DPP6: variants seen among roughly 807,000 people sequenced by gnomAD.
The protein encoded by DPP6 is A-type potassium channel modulatory protein DPP6.
A neutral mutation model predicts 122.6 loss-of-function variants in DPP6; 69 were observed. The ratio of observed to expected loss-of-function variants is 0.56; its 90% CI spans 0.46 to 0.69. The LOEUF is 0.69. Among genes scored for constraint, DPP6 ranks in the 30% least tolerant of loss-of-function variants. The pLI, the probability that DPP6 is intolerant of heterozygous loss-of-function variation, is 0.00. For missense variants in DPP6, 928 were observed against 1,116.9 expected (o/e 0.83, Z 2.41); for synonymous variants, 418 against 433.1 (o/e 0.97, Z 0.43).
chr7:154,321,143 G>A (rs1807914966), intron 1 of DPP6, among the ~76,000 whole-genome samples: 2 of 152,044 alleles, frequency 1.3e-5, no homozygotes, highest in African/African-American at 4.8e-5. Flanking sequence ...ATTAGCAGGT[G>A]GTGCATGCCT....
intron 1 of DPP6, among the ~76,000 whole-genome samples, chr7:154,240,035 A>G (rs1801486205): frequency 8.6e-6 from 1 of 116,744 alleles, no homozygotes; most frequent in African/African-American, 3.0e-5. Context: ...AAAAAAAAAA[A>G]AAAGTGATAC....
intron 8 of DPP6, among the ~76,000 whole-genome samples, chr7:154,768,764 C>G (rs1796060684): frequency 6.6e-6 from 1 of 152,146 alleles, no homozygotes; most frequent in African/African-American, 2.4e-5. Flanking sequence ...ATCAGTCTTT[C>G]ATTTCAGTCC....
At chr7:153,849,321 A>G in the DPP6 span, among the ~76,000 whole-genome samples, 1 of 151,620 alleles carries the variant, frequency 6.6e-6, no homozygotes, top group African/African-American at 2.4e-5. Flanking sequence ...ACTGAAGCAG[A>G]CAATTATACC....
At chr7:154,835,944 G>A (rs184269827) in intron 16 of DPP6, among the ~76,000 whole-genome samples, 143 of 152,250 alleles carry the variant, frequency 9.4e-4, no homozygotes, top group African/African-American at 3.3e-3. Flanking sequence ...TTAAGAAAGC[G>A]GCTTCTGATG....
At chr7:154,030,539 G>A (rs1799173615) in intron 1 of DPP6, among the ~76,000 whole-genome samples, 1 of 152,128 alleles carries the variant, frequency 6.6e-6, no homozygotes, top group South Asian at 2.1e-4. Flanking sequence ...GGTGCTTCCT[G>A]CTGCTCCAAA....
At chr7:154,096,293 C>T (rs199753612) in intron 1 of DPP6, among the ~76,000 whole-genome samples, 13,081 of 59,234 alleles carry the variant, frequency 0.22, 414 homozygotes, top group East Asian at 0.34. Context: ...AGTGAAATGC[C>T]GTAAATAATC....
rs140302599 is a variant in DPP6, at chr7:153,917,894, A to T, written c.51+30160A>T. Among the ~76,000 whole-genome samples, 279 of 152,324 alleles carry T rather than the reference A, an allele frequency of 1.8e-3. 3 individuals are homozygous for T. The highest frequency in any genetic ancestry group is 6.8e-3 in the Middle Eastern group (2 of 294). ...ATGTTTCAGAGACTTTTCTAAAAAG[A>T]TTTGATCTCCTCAGTGTTAATATCC... On this transcript the variant is annotated intron_variant, in intron 1 of 25. Coordinates refer to the DPP6 transcript ENST00000404039.
At chr7:154,753,055 G>C (rs1423330212) in intron 8 of DPP6, among the ~76,000 whole-genome samples, 1 of 152,124 alleles carries the variant, frequency 6.6e-6, no homozygotes, top group Non-Finnish European at 1.5e-5. Context: ...TGAAGGACCT[G>C]GGAGGCCTCC....
chr7:154,681,626 G>T (rs1007276893), intron 7 of DPP6, among the ~76,000 whole-genome samples: 2 of 152,236 alleles, frequency 1.3e-5, no homozygotes, highest in Non-Finnish European at 2.9e-5. Context: ...GTGCTGCCAA[G>T]AATTCTCCTT....
chr7:154,274,919 GCT>G (rs1337458246), intron 1 of DPP6, among the ~76,000 whole-genome samples: 3 of 152,212 alleles, frequency 2.0e-5, no homozygotes, highest in Non-Finnish European at 4.4e-5. Flanking sequence ...CTCCTCCCAG[GCT>G]CTGTCATAAT....
Position 153,988,903 on chromosome 7 carries a change from G to A in DPP6, c.51+101169G>A, listed in dbSNP as rs1222181194. ...GCTGGGAGAGCGGTGATGTATGGAA[G>A]TCAGGCGGGCCAGCGCGCCGGGAGT... On this transcript the variant is annotated intron_variant, in intron 1 of 25. Coordinates refer to the DPP6 transcript ENST00000404039. Among the ~76,000 whole-genome samples the A allele has an allele frequency of 2.0e-5, 3 of 149,384 alleles. 1 individual carries two copies. The highest frequency in any genetic ancestry group is 4.5e-5 in the Non-Finnish European group (3 of 66,968).
At chr7:153,926,581 A>T (rs1800910887) in intron 1 of DPP6, among the ~76,000 whole-genome samples, 1 of 152,150 alleles carries the variant, frequency 6.6e-6, no homozygotes, top group Non-Finnish European at 1.5e-5. Flanking sequence ...GGTGACTGTT[A>T]CTTGAAGGAA....
rs758632058 is a variant in DPP6 at position 154,843,227 on chromosome 7, G to A, written c.1667-10553G>A. Among the ~76,000 whole-genome samples, 4 of 152,180 alleles carry A rather than the reference G, an allele frequency of 2.6e-5. No homozygotes were observed. In the East Asian group the frequency reaches 5.8e-4, roughly 22 times the overall value. ...TGAGGTGGGAGGATCACTTGAGCCC[G>A]GGAAGTAGAGGTTGCAGTGAGCCCA... On this transcript the variant is annotated intron_variant, in intron 16 of 25. Transcript: ENST00000377770.
intron 1 of DPP6, among the ~76,000 whole-genome samples, chr7:154,396,950 CAA>C (rs1563601764): frequency 6.6e-6 from 1 of 151,660 alleles, no homozygotes; most frequent in South Asian, 2.1e-4. Flanking sequence ...ATCTCAAAAA[CAA>C]AAAAAGTACT....
At position 154,403,132 on chromosome 7, in the gene DPP6, G is replaced by A. The variant is rs1040053432; in HGVS notation, c.244-43082G>A. The stretch of plus-strand genomic sequence containing the variant: ...TCAGTAAGTAAGAGCACCAGAGAAT[G>A]ACTGTCTCTTTTCTTTGTGGTTCTA... On this transcript the variant is annotated intron_variant, in intron 1 of 25. Coordinates refer to ENST00000377770, the MANE Select transcript of DPP6 (RefSeq NM_130797.4). This position sits in a 1 kb window ranked among gnomAD's most constrained non-coding sequence, Gnocchi z 4.1. Among the ~76,000 whole-genome samples, 1 of 152,192 alleles carries A rather than the reference G, an allele frequency of 6.6e-6. No individual in the cohort carries two copies. The highest frequency in any genetic ancestry group is 1.5e-5 in the Non-Finnish European group (1 of 68,032).
intron 1 of DPP6, among the ~76,000 whole-genome samples, chr7:154,167,278 C>A (rs2150720736): frequency 6.6e-6 from 1 of 152,216 alleles, no homozygotes; most frequent in African/African-American, 2.4e-5. Context: ...AAGTTAAGCA[C>A]CCTAACAGAA....
At chr7:154,295,101 G>A (rs1000330868) in intron 1 of DPP6, among the ~76,000 whole-genome samples, 3 of 152,210 alleles carry the variant, frequency 2.0e-5, no homozygotes, top group African/African-American at 4.8e-5. Flanking sequence ...GGGGCCAGAC[G>A]TGAGAAGCAA....
chr7:154,251,479 G>A (rs1204875094), intron 1 of DPP6, among the ~76,000 whole-genome samples: 1 of 152,178 alleles, frequency 6.6e-6, no homozygotes, highest in Non-Finnish European at 1.5e-5. Flanking sequence ...TAGGATATAT[G>A]CATATATAAA....
chr7:153,813,226 T>C, the DPP6 span, among the ~76,000 whole-genome samples: 7 of 149,048 alleles, frequency 4.7e-5, no homozygotes, highest in Non-Finnish European at 8.9e-5. Flanking sequence ...CCTTCCTGTG[T>C]CCATGCGTTC....
Sources: allele counts gnomAD v4.1 joint callset (sites outside exome capture counted in the v4.1 genomes callset), GRCh38; gene constraint gnomAD v4.1.1; non-coding constraint Gnocchi (gnomAD v3.1); transcripts MANE v1.5; gene names NCBI Gene and HGNC (gene_info 2026-07-23, HGNC 2026-07-21).